Variants in FBXO41 observed in about 807,000 individuals in gnomAD.
FBXO41 encodes F-box protein 41.
FBXO41 carries 33 observed loss-of-function variants against 81.6 expected under a neutral mutation model. The ratio of observed to expected loss-of-function variants is 0.40; its 90% CI spans 0.31 to 0.54. FBXO41 has a LOEUF of 0.54. Ranked by LOEUF, FBXO41 falls within the 20% of genes least tolerant of loss-of-function variation. FBXO41 has a pLI of 0.39. For synonymous variants in FBXO41, 576 were observed against 552.7 expected (o/e 1.04, Z -0.59); for missense variants, 1,107 against 1,236.0 (o/e 0.90, Z 1.56).
Position 73,266,035 on chromosome 2 carries a change from G to C in FBXO41, c.1132-69C>G. The C allele has an allele frequency of 7.3e-7, 1 of 1,368,134 alleles. No individual in the cohort carries two copies. The highest frequency in any genetic ancestry group is 1.3e-5 in the South Asian group (1 of 79,112). The allele number at this position is 1,368,134 out of a possible 1,614,324, so 84.7% of individuals were successfully genotyped here. On this transcript the variant is annotated intron_variant, in intron 3 of 12. Transcript: ENST00000520530. The surrounding 1 kb of genome is among the most constrained non-coding windows in gnomAD (Gnocchi z 5.3). ...GGCAAGAGGATGAGCAGGAATAGCA[G>C]GGGAAACAGGGCAAAAGATGGAGAG...
At position 73,259,568 on chromosome 2, in the gene FBXO41, G is replaced by A. The variant is rs1050996312; in HGVS notation, c.2450-272C>T. On this transcript the variant is annotated intron_variant, in intron 11 of 12. Coordinates refer to ENST00000520530, the MANE Select transcript of FBXO41 (RefSeq NM_001371389.2). This position sits in a 1 kb window ranked among gnomAD's most constrained non-coding sequence, Gnocchi z 4.2. ...TCTAGGAACTTCCCTGACACAGGGGGCAGCTATACCATGGTCTGGGCATTT... is the reference window on the plus strand; with the variant it reads ...TCTAGGAACTTCCCTGACACAGGGGACAGCTATACCATGGTCTGGGCATTT... Among the ~76,000 whole-genome samples, 3 of 152,188 alleles carry A rather than the reference G, an allele frequency of 2.0e-5. No individual in the cohort carries two copies. Among genetic ancestry groups the A allele is most frequent in the Non-Finnish European group, 4.4e-5 (3 of 68,042 alleles).
intron 1 of FBXO41, chr2:73,270,698 G>T (rs543890012): frequency 2.2e-6 from 1 of 455,588 alleles, no homozygotes; most frequent in Non-Finnish European, 4.5e-6. Context: ...TTGGCACAAG[G>T]TCCCTCCATC....
intron 6 of FBXO41, 74 bp downstream of exon 6, chr2:73,264,190 GCAAGGACCAGACCT>G: frequency 6.3e-7 from 1 of 1,590,906 alleles, no homozygotes; most frequent in Non-Finnish European, 8.6e-7. Context: ...TGTAAGGGTT[GCAAGGACCAGACCT>G]CAAGGGGCCA....
In FBXO41 at chr2:73,260,266, C is replaced by T. The variant is rs1687959174; in HGVS notation, c.2449+123G>A. The T allele has an allele frequency of 3.8e-6, 5 of 1,327,128 alleles. 1 individual carries two copies. The South Asian group carries it at 5.7e-5, about 15-fold the overall frequency. The allele number at this position is 1,327,128 out of a possible 1,614,324, so 82.2% of individuals were successfully genotyped here. A position where few individuals can be genotyped will look rare whatever the true frequency, so the allele number is the denominator to read the frequency against. ...TAGAACCAGTGCTCTTAACCTGTCC[C>T]CCTGCCTCTGCCCTTGGCTGGAGAC... On this transcript the variant is annotated intron_variant, in intron 11 of 12. Transcript: ENST00000520530. This position sits in a 1 kb window ranked among gnomAD's most constrained non-coding sequence, Gnocchi z 5.0.
Position 73,263,755 on chromosome 2 carries a change from G to A in FBXO41, c.1998C>T (p.His666=), listed in dbSNP as rs1463050198. 1 of 1,614,072 alleles carries A rather than the reference G, an allele frequency of 6.2e-7. No individual in the cohort carries two copies. ...GGNLLILRIS[H]CPNILTDRSL... ...AGCGGTCGGTGAGGATGTTTGGACA[G>A]TGGGAGATGCGCAGGATCAGCAGGT... Residue 666 remains histidine, a synonymous_variant, in exon 8 of 13, where the codon CAC becomes CAT. Transcript: ENST00000520530.
chr2:73,265,382 G>A lies in FBXO41; in HGVS notation c.1464C>T (p.Asp488=), dbSNP rs375412839. Residue 488 remains aspartate (D), a synonymous_variant, in exon 5 of 13, where the codon GAC becomes GAT. Coordinates refer to ENST00000520530, the MANE Select transcript of FBXO41 (RefSeq NM_001371389.2). Reference sequence around the variant, plus strand: ...CTGACTCAGTGGTTCGGGAGCCAACGTCGGAGACATCACCCTCTTCCCCCT... The same window carrying A: ...CTGACTCAGTGGTTCGGGAGCCAACATCGGAGACATCACCCTCTTCCCCCT... ...STEGEEGDVS[D]VGSRTTESEA... is the part of the protein sequence containing the mutation. 88 of 1,611,494 alleles carry A rather than the reference G, an allele frequency of 5.5e-5. No individual in the cohort carries two copies. Among genetic ancestry groups the A allele is most frequent in the East Asian group, 8.9e-5 (4 of 44,884 alleles).
chr2:73,259,684 G>A lies in FBXO41; in HGVS notation c.2450-388C>T, dbSNP rs771626898. 6.6e-6 allele frequency among the ~76,000 whole-genome samples: 1 copy of A among 152,154 alleles called. No individual in the cohort carries two copies. The highest frequency in any genetic ancestry group is 1.5e-5 in the Non-Finnish European group (1 of 68,022). ...GAGGGGGAGGTGGGGCAAATACTTGGGGACAGAGGGCTTCAGGGACTGGAT... is the reference window on the plus strand; with the variant it reads ...GAGGGGGAGGTGGGGCAAATACTTGAGGACAGAGGGCTTCAGGGACTGGAT... On this transcript the variant is annotated intron_variant, in intron 11 of 12. Coordinates refer to ENST00000520530, the MANE Select transcript of FBXO41 (RefSeq NM_001371389.2). This position sits in a 1 kb window ranked among gnomAD's most constrained non-coding sequence, Gnocchi z 4.2.
rs867212128 is a variant in FBXO41, at chr2:73,263,250, C to A, written c.2134G>T (p.Glu712Ter). The A allele has an allele frequency of 6.4e-7, 1 of 1,556,866 alleles. No homozygotes were observed. The highest frequency in any genetic ancestry group is 8.7e-7 in the Non-Finnish European group (1 of 1,150,146). ...VIWALGAGCREIVSLQVAPLH... is the reference protein window; with the variant it reads ...VIWALGAGCR Reference sequence around the variant, plus strand: ...GGTGCCACTTGGAGGGAGACGATCTCTCTGCAGCCTGCGCCCAGGGCCCAA... The same window carrying A: ...GGTGCCACTTGGAGGGAGACGATCTATCTGCAGCCTGCGCCCAGGGCCCAA... Residue 712 changes from glutamate to a stop codon, truncating the protein, a stop_gained, in exon 9 of 13, where the codon GAG becomes TAG. Transcript: ENST00000520530. LOFTEE classifies it high-confidence loss of function.
At position 73,260,668 on chromosome 2, in the gene FBXO41, G is replaced by C; in HGVS notation, c.2290+72C>G. 6.6e-7 allele frequency: 1 copy of C among 1,518,014 alleles called. No homozygotes were observed. The highest frequency in any genetic ancestry group is 8.9e-7 in the Non-Finnish European group (1 of 1,124,884). 94.0% of individuals were successfully genotyped at this position (1,518,014 alleles called of 1,614,324 possible). On this transcript the variant is annotated intron_variant, in intron 10 of 12. Coordinates refer to ENST00000520530, the MANE Select transcript of FBXO41 (RefSeq NM_001371389.2). The surrounding 1 kb of genome is among the most constrained non-coding windows in gnomAD (Gnocchi z 5.0). ...AGGCTGCAGCCCCAAGCCCCTGTGGGATTTCACAAGGCAGCACTGCACCCA... is the reference window on the plus strand; with the variant it reads ...AGGCTGCAGCCCCAAGCCCCTGTGGCATTTCACAAGGCAGCACTGCACCCA...
rs1385425155 is a variant in FBXO41, at chr2:73,256,600, AG to A, written c.*2381del. 2.6e-5 allele frequency: 4 copies of A among 152,208 alleles called. No individual in the cohort carries two copies. The highest frequency in any genetic ancestry group is 9.7e-5 in the African/African-American group (4 of 41,390). 9.4% of individuals were successfully genotyped at this position (152,208 alleles called of 1,614,324 possible). Reference sequence around the variant, plus strand: ...ACAGCCAGAACAGGGTGGAGGACTGAGGGGCTTTCCTGGAAATAGCCAAACC... The same window carrying A: ...ACAGCCAGAACAGGGTGGAGGACTGAGGGCTTTCCTGGAAATAGCCAAACC... On this transcript the variant is annotated 3_prime_UTR_variant, in exon 13 of 13. Coordinates refer to ENST00000520530, the MANE Select transcript of FBXO41 (RefSeq NM_001371389.2).
chr2:73,276,769 A>G (rs1332594647), intron 1 of FBXO41, among the ~76,000 whole-genome samples: 1 of 152,184 alleles, frequency 6.6e-6, no homozygotes, highest in South Asian at 2.1e-4. Flanking sequence ...AGGAAAATAT[A>G]AATTATCAAA....
chr2:73,265,537 G>A lies in FBXO41; in HGVS notation c.1309C>T (p.Pro437Ser). 1.9e-6 allele frequency: 3 copies of A among 1,596,334 alleles called. No homozygotes were observed. Among genetic ancestry groups the A allele is most frequent in the Non-Finnish European group, 2.6e-6 (3 of 1,172,570 alleles). Residue 437 changes from proline (P) to serine (S), a missense_variant, in exon 5 of 13, where the codon CCT becomes TCT. By Grantham distance (74) the Pro-to-Ser change is moderately conservative. Coordinates refer to ENST00000520530, the MANE Select transcript of FBXO41 (RefSeq NM_001371389.2). ...TGGGCCCGTGTGCCCAAGCCCCCAG[G>A]GCCACTGTCCTCAGGGGCCCCCTCC... ...PEEGAPEDSG[P>S]GGLGTRAQAA... is the part of the protein sequence containing the mutation.
chr2:73,276,560 C>CAGAGAGAG lies in FBXO41; in HGVS notation c.-138-6800_-138-6793dup, dbSNP rs533998261. Among the ~76,000 whole-genome samples the CAGAGAGAG allele has an allele frequency of 9.0e-3, 952 of 106,300 alleles. 8 individuals carry two copies. Among genetic ancestry groups the CAGAGAGAG allele is most frequent in the South Asian group, 0.015 (41 of 2,810 alleles). 69.7% of individuals were successfully genotyped at this position (106,300 alleles called of 152,430 possible). ...TAAACAGCTCTCTGGCAAATCTATT[C>CAGAGAGAG]AGAGAGAGAGAGAGAGAGAGAGAGA... On this transcript the variant is annotated intron_variant, in intron 1 of 12. Coordinates refer to ENST00000520530, the MANE Select transcript of FBXO41 (RefSeq NM_001371389.2).
Position 73,260,764 on chromosome 2 carries a change from C to T in FBXO41, c.2266G>A (p.Gly756Arg). The T allele has an allele frequency of 6.4e-7, 1 of 1,555,852 alleles. No individual in the cohort carries two copies. The highest frequency in any genetic ancestry group is 1.4e-5 in the African/African-American group (1 of 73,646). ...CCGAGTGATGCCAGGCCCTGCACCCCACAGCCGGCACCCCCGACCCCCAGG... is the reference window on the plus strand; with the variant it reads ...CCGAGTGATGCCAGGCCCTGCACCCTACAGCCGGCACCCCCGACCCCCAGG... Reference protein sequence around the residue: ...RALGVGGAGCGVQGLASLARN... With the variant: ...RALGVGGAGCRVQGLASLARN... The change falls in exon 10 of 13, where the codon GGG becomes AGG. Residue 756 changes from glycine to arginine, a missense_variant. Transcript: ENST00000520530. The surrounding 1 kb of genome is among the most constrained non-coding windows in gnomAD (Gnocchi z 5.0).
intron 1 of FBXO41, among the ~76,000 whole-genome samples, chr2:73,273,591 C>CA (rs1688603254): frequency 6.6e-6 from 1 of 152,096 alleles, no homozygotes; most frequent in Admixed American, 6.6e-5. Flanking sequence ...CAGTCTGGGC[C>CA]GATACAGTCA....
At chr2:73,283,603 G>A (rs779288512) in intron 1 of FBXO41, among the ~76,000 whole-genome samples, 1 of 152,192 alleles carries the variant, frequency 6.6e-6, no homozygotes, top group Admixed American at 6.5e-5. Flanking sequence ...AAGGCAATGC[G>A]GAGGGGCGCA....
At chr2:73,283,431 C>G (rs1688903250) in intron 1 of FBXO41, among the ~76,000 whole-genome samples, 1 of 152,228 alleles carries the variant, frequency 6.6e-6, no homozygotes, top group Admixed American at 6.5e-5. Context: ...AGGCATACAC[C>G]TCCCAAGGTC....
At position 73,269,555 on chromosome 2, in the gene FBXO41, G is replaced by A; in HGVS notation, c.76C>T (p.Arg26Cys). Reference protein sequence around the residue: ...HKRFRSLSSLRAHLEYSHTYE... With the variant: ...HKRFRSLSSLCAHLEYSHTYE... The stretch of plus-strand genomic sequence containing the variant: ...GTGTGGCTGTACTCCAGGTGCGCGC[G>A]CAGCGACGACAGGCTCCGGAAGCGC... The change falls in exon 2 of 13, where the codon CGC becomes TGC. Residue 26 changes from arginine to cysteine, a missense_variant. Arg to Cys is a radical substitution (Grantham distance 180). Transcript: ENST00000520530. This position sits in a 1 kb window ranked among gnomAD's most constrained non-coding sequence, Gnocchi z 7.0. The A allele has an allele frequency of 7.4e-7, 1 of 1,360,022 alleles. No homozygotes were observed. The highest frequency in any genetic ancestry group is 9.6e-7 in the Non-Finnish European group (1 of 1,045,874). 84.2% of individuals were successfully genotyped at this position (1,360,022 alleles called of 1,614,324 possible).
At chr2:73,277,922 C>T (rs922334338) in intron 1 of FBXO41, among the ~76,000 whole-genome samples, 2 of 152,152 alleles carry the variant, frequency 1.3e-5, no homozygotes, top group African/African-American at 2.4e-5. Context: ...GTGAGCTGCC[C>T]CTCTGTACTT....
Sources: allele counts gnomAD v4.1 joint callset (sites outside exome capture counted in the v4.1 genomes callset), GRCh38; gene constraint gnomAD v4.1.1; non-coding constraint Gnocchi (gnomAD v3.1); transcripts MANE v1.5; gene names NCBI Gene and HGNC (gene_info 2026-07-23, HGNC 2026-07-21).